The following TBC1D5 variants were observed in gnomAD, a reference collection of about 807,000 sequenced individuals.
TBC1D5 encodes TBC1 domain family member 5, also known as TBC1 domain family, member 5.
A neutral mutation model predicts 100.3 loss-of-function variants in TBC1D5; 75 were observed. The observed-to-expected ratio is 0.75, with a 90% CI of 0.62 to 0.91. TBC1D5 has a LOEUF of 0.91. Ranked by LOEUF, TBC1D5 falls within the 40% of genes least tolerant of loss-of-function variation. The probability of loss-of-function intolerance (pLI) is 0.00; values close to 1 mark genes in which losing one functional copy is unlikely to be tolerated. For missense variants in TBC1D5, 910 were observed against 942.4 expected, an observed-to-expected ratio of 0.97 and a Z score of 0.45; for synonymous variants, 323 against 325.6, an observed-to-expected ratio of 0.99 and a Z score of 0.09.
chr3:17,626,794 T>C (rs865933158), intron 1 of TBC1D5, among the ~76,000 whole-genome samples: 1 of 152,120 alleles, frequency 6.6e-6, no homozygotes, highest in Non-Finnish European at 1.5e-5. Context: ...GTAAAAACAT[T>C]CTCAGTATGT....
In TBC1D5 at chr3:17,236,488, G is replaced by C. The variant is rs137875927; in HGVS notation, c.1588+1675C>G. 2.2e-3 allele frequency among the ~76,000 whole-genome samples: 327 copies of C among 150,874 alleles called. 1 individual carries two copies. Among genetic ancestry groups the C allele is most frequent in the African/African-American group, 7.5e-3 (306 of 40,560 alleles). On this transcript the variant is annotated intron_variant, in intron 17 of 21. Coordinates refer to ENST00000253692, the Ensembl canonical transcript of TBC1D5. ...AAGAAAATAATGTAATTTTCAACGAGATTTTTTTTTTTTTTTGAGATGGAG... is the reference window on the plus strand; with the variant it reads ...AAGAAAATAATGTAATTTTCAACGACATTTTTTTTTTTTTTTGAGATGGAG...
intron 13 of TBC1D5, among the ~76,000 whole-genome samples, chr3:17,332,903 G>A (rs1436699544): frequency 6.6e-6 from 1 of 152,136 alleles, no homozygotes; most frequent in Non-Finnish European, 1.5e-5. Flanking sequence ...TGGAAATTTT[G>A]CTGTCCCTCT....
chr3:17,428,581 C>T, intron 3 of TBC1D5, 62 bp from the exon 4 acceptor site: 2 of 907,100 alleles, frequency 2.2e-6, no homozygotes, highest in South Asian at 4.8e-5. Context: ...AGTTGAAAAA[C>T]TGTGTGAAAG....
At chr3:17,413,693 A>C (rs17043589) in intron 4 of TBC1D5, among the ~76,000 whole-genome samples, 5 of 152,102 alleles carry the variant, frequency 3.3e-5, no homozygotes, top group Admixed American at 2.6e-4. Context: ...TATGACTAGA[A>C]GGCTTCTGAA....
chr3:17,648,046 A>G (rs2065171839), intron 1 of TBC1D5, among the ~76,000 whole-genome samples: 1 of 152,200 alleles, frequency 6.6e-6, no homozygotes, highest in Non-Finnish European at 1.5e-5. Flanking sequence ...GGCAAAAAGA[A>G]CAATGCTGGA....
chr3:17,363,837 T>G (rs1455693907), intron 13 of TBC1D5, among the ~76,000 whole-genome samples: 1 of 152,024 alleles, frequency 6.6e-6, no homozygotes, highest in Admixed American at 6.6e-5. Context: ...TTACCAAATT[T>G]AGGACTCTAT....
At chr3:17,509,165 CAGTTT>C (rs2095874648) in intron 2 of TBC1D5, among the ~76,000 whole-genome samples, 1 of 151,522 alleles carries the variant, frequency 6.6e-6, no homozygotes, top group Non-Finnish European at 1.5e-5. Flanking sequence ...TTTTCCTCCC[CAGTTT>C]AAAGAAAAAA....
In TBC1D5 at chr3:17,582,486, A is replaced by G. The variant is rs73165737; in HGVS notation, c.-36+41363T>C. Among the ~76,000 whole-genome samples, 816 of 152,288 alleles carry G rather than the reference A, an allele frequency of 5.4e-3. 11 individuals carry two copies. The highest frequency in any genetic ancestry group is 0.019 in the African/African-American group (784 of 41,572). On this transcript the variant is annotated intron_variant, in intron 2 of 21. Coordinates refer to ENST00000253692, the Ensembl canonical transcript of TBC1D5. The stretch of plus-strand genomic sequence containing the variant: ...TGGATGATGACAAAAACGGGATATA[A>G]AAAACAGTACAGCTAACTCAGTAGT...
Position 17,177,226 on chromosome 3 carries a change from T to C in TBC1D5, c.1852+7883A>G, listed in dbSNP as rs550035513. 6.6e-5 allele frequency among the ~76,000 whole-genome samples: 10 copies of C among 152,214 alleles called. 2 individuals carry two copies. In the South Asian group the frequency reaches 2.1e-3, roughly 31 times the overall value. On this transcript the variant is annotated intron_variant, in intron 19 of 21. Coordinates refer to ENST00000253692, the Ensembl canonical transcript of TBC1D5. ...AAAATGATGAAAGTTGGACAGTCTG[T>C]ACTGAGGCCCTATTATTGGAGTGGT... is the stretch of plus-strand genomic sequence containing the variant.
chr3:17,616,956 G>A (rs1047243498), intron 2 of TBC1D5, among the ~76,000 whole-genome samples: 4 of 152,114 alleles, frequency 2.6e-5, no homozygotes, highest in South Asian at 2.1e-4. Context: ...TATTTTGCCC[G>A]TTAATTGATG....
At chr3:17,384,000 C>T (rs1019183450) in exon 9 of TBC1D5, 2 of 1,596,248 alleles carry the variant, frequency 1.3e-6, no homozygotes, top group Non-Finnish European at 8.6e-7. Context: ...GCTGGAAAAA[C>T]TGCATTTCAG....
rs1043398689 is a variant in TBC1D5, at chr3:17,480,604, T to C, written c.97+27870A>G. On this transcript the variant is annotated intron_variant, in intron 3 of 21. Transcript: ENST00000253692. ...GGAGCTACCCACTCCAGGTCTCACC[T>C]CTGCTAAGCGCTGGACATTCATTAG... Among the ~76,000 whole-genome samples, 6 of 152,160 alleles carry C rather than the reference T, an allele frequency of 3.9e-5. No individual in the cohort carries two copies. The South Asian group carries it at 1.2e-3, about 32-fold the overall frequency.
intron 13 of TBC1D5, among the ~76,000 whole-genome samples, chr3:17,325,262 C>T (rs1271369811): frequency 2.6e-5 from 3 of 114,994 alleles, no homozygotes; most frequent in African/African-American, 1.1e-4. Context: ...TGGAATAGTA[C>T]TCAGTTAAAA....
At chr3:17,162,117 G>A (rs931171708) in intron 21 of TBC1D5, among the ~76,000 whole-genome samples, 3 of 152,216 alleles carry the variant, frequency 2.0e-5, no homozygotes, top group Admixed American at 1.3e-4. Context: ...TGCCAGCCTG[G>A]CAGAAAGAAC....
chr3:17,669,342 C>T (rs1425482037), intron 1 of TBC1D5, among the ~76,000 whole-genome samples: 3 of 152,084 alleles, frequency 2.0e-5, no homozygotes, highest in African/African-American at 7.2e-5. Flanking sequence ...TTCTTTATAG[C>T]AGCATGAGAA....
chr3:17,265,388 C>T (rs1269353316), intron 15 of TBC1D5, among the ~76,000 whole-genome samples: 1 of 151,916 alleles, frequency 6.6e-6, no homozygotes. Context: ...GCTACCAACC[C>T]TTAATTTTTA....
intron 18 of TBC1D5, among the ~76,000 whole-genome samples, chr3:17,204,114 G>C (rs2071836695): frequency 6.6e-6 from 1 of 152,186 alleles, no homozygotes; most frequent in Admixed American, 6.5e-5. Context: ...GTTTACACAG[G>C]TGTTCAAAGG....
chr3:17,339,024 G>C lies in TBC1D5; in HGVS notation c.996-30890C>G, dbSNP rs184945715. ...ACAGAAGTTAGCACAAAATACACTG[G>C]TGGCAAGCAGTTAATTCATTAATCA... On this transcript the variant is annotated intron_variant, in intron 13 of 21. Transcript: ENST00000253692. Among the ~76,000 whole-genome samples the C allele has an allele frequency of 8.3e-4, 126 of 152,266 alleles. 2 individuals are homozygous for C. The East Asian group carries it at 0.012, about 15-fold the overall frequency.
At chr3:17,476,549 T>A (rs971109220) in intron 3 of TBC1D5, among the ~76,000 whole-genome samples, 1 of 132,236 alleles carries the variant, frequency 7.6e-6, no homozygotes, top group Non-Finnish European at 1.5e-5. Flanking sequence ...AATGTGCATG[T>A]TTTTTTTCAG....
Sources: allele counts gnomAD v4.1 joint callset (sites outside exome capture counted in the v4.1 genomes callset), GRCh38; gene constraint gnomAD v4.1.1; transcripts MANE v1.5; gene names NCBI Gene and HGNC (gene_info 2026-07-23, HGNC 2026-07-21).